The following HEPACAM2 variants were observed in gnomAD, a reference collection of about 807,000 sequenced individuals.
HEPACAM2 encodes the protein HEPACAM family member 2.
HEPACAM2 carries 49 observed loss-of-function variants against 49.6 expected under a neutral mutation model. The ratio of observed to expected loss-of-function variants is 0.99; its 90% CI spans 0.78 to 1.25. HEPACAM2 has a LOEUF of 1.25. Among genes scored for constraint, HEPACAM2 ranks in the 50% most tolerant of loss-of-function variants. The pLI, the probability that HEPACAM2 is intolerant of heterozygous loss-of-function variation, is 0.00. For synonymous variants in HEPACAM2, 197 were observed against 202.9 expected (o/e 0.97, Z 0.25); for missense variants, 525 against 557.2 (o/e 0.94, Z 0.58).
intron 1 of HEPACAM2, among the ~76,000 whole-genome samples, chr7:93,219,807 G>T (rs1028049671): frequency 6.6e-5 from 10 of 152,208 alleles, no homozygotes; most frequent in African/African-American, 2.4e-4. Flanking sequence ...ATTAATGTCT[G>T]TCATATCATA....
rs960504474 is a variant in HEPACAM2 at position 93,211,647 on chromosome 7, C to T, written c.716-2771G>A. 9.9e-5 allele frequency among the ~76,000 whole-genome samples: 15 copies of T among 151,894 alleles called. 1 individual carries two copies. Among genetic ancestry groups the T allele is most frequent in the African/African-American group, 3.6e-4 (15 of 41,376 alleles). The stretch of plus-strand genomic sequence containing the variant: ...GGCTATTATCTCAGGCCCTGTGGTT[C>T]AGAAGGGACCCTTCATGTTGTCAGC... On this transcript the variant is annotated intron_variant, in intron 3 of 9. Transcript: ENST00000394468.
At chr7:93,206,291 T>A (rs560275793) in intron 4 of HEPACAM2, among the ~76,000 whole-genome samples, 1 of 152,150 alleles carries the variant, frequency 6.6e-6, no homozygotes, top group Non-Finnish European at 1.5e-5. Flanking sequence ...CCTATAAAAA[T>A]TAATAAAATG....
chr7:93,208,267 C>A (rs1425378521), intron 4 of HEPACAM2, among the ~76,000 whole-genome samples: 4 of 152,136 alleles, frequency 2.6e-5, no homozygotes, highest in South Asian at 2.1e-4. Flanking sequence ...TCTAAATGAA[C>A]AGCCTGTTTC....
intron 4 of HEPACAM2, among the ~76,000 whole-genome samples, chr7:93,207,244 C>T (rs968030847): frequency 2.6e-5 from 4 of 152,080 alleles, no homozygotes; most frequent in African/African-American, 9.7e-5. Flanking sequence ...AAAGAGAAGG[C>T]ATCAATAGAA....
chr7:93,219,516 T>C (rs1277131873), intron 1 of HEPACAM2, 65 bp from the exon 2 acceptor site: 2 of 1,604,092 alleles, frequency 1.2e-6, no homozygotes, highest in Non-Finnish European at 1.7e-6. Context: ...AAGGGGCAAA[T>C]GCAGAGAGAA....
intron 3 of HEPACAM2, 139 bp downstream of exon 3, chr7:93,215,262 G>A: frequency 1.5e-6 from 1 of 685,742 alleles, no homozygotes; most frequent in Admixed American, 2.8e-5. Flanking sequence ...TGCCTAGGAG[G>A]TGTGATTAGA....
intron 3 of HEPACAM2, among the ~76,000 whole-genome samples, chr7:93,214,355 C>G (rs1794251102): frequency 6.6e-6 from 1 of 152,102 alleles, no homozygotes; most frequent in African/African-American, 2.4e-5. Context: ...ATTAATGAGT[C>G]AAAATCTTTC....
In HEPACAM2 at chr7:93,208,618, T is replaced by G; in HGVS notation, c.974A>C (p.Gln325Pro). Residue 325 changes from glutamine to proline, a missense_variant, in exon 4 of 10, where the codon CAA becomes CCA. Coordinates refer to ENST00000394468, the MANE Select transcript of HEPACAM2 (RefSeq NM_001039372.4). ...GATAACTGTGAAATGAGTTTCATCT[T>G]GCCTGCCGGTTATGTTGTTGTAAGC... ...CCAYNNITGR[Q>P]DETHFTVIIT... 1 of 1,613,042 alleles carries G rather than the reference T, an allele frequency of 6.2e-7. No homozygotes were observed.
intron 3 of HEPACAM2, among the ~76,000 whole-genome samples, chr7:93,212,320 TTCTG>T (rs1444781893): frequency 6.6e-6 from 1 of 152,090 alleles, no homozygotes; most frequent in Non-Finnish European, 1.5e-5. Flanking sequence ...ATTTTTTCTC[TTCTG>T]TCTGTTTTAT....
At position 93,189,318 on chromosome 7, in the gene HEPACAM2, A is replaced by C. The variant is rs754997151; in HGVS notation, c.1386-48T>G. ...ATGTAAACAGTTCTATAGATTTTTC[A>C]GGTCTGCAGGTAAAAGAACTTTAAA... On this transcript the variant is annotated intron_variant, in intron 9 of 9. Transcript: ENST00000394468. The C allele has an allele frequency of 1.3e-5, 19 of 1,423,100 alleles. No homozygotes were observed. In the Admixed American group the frequency reaches 3.4e-4, roughly 26 times the overall value. 88.2% of individuals were successfully genotyped at this position (1,423,100 alleles called of 1,614,324 possible).
At chr7:93,223,869 G>A (rs1283011754) in intron 1 of HEPACAM2, among the ~76,000 whole-genome samples, 3 of 152,068 alleles carry the variant, frequency 2.0e-5, no homozygotes, top group Non-Finnish European at 2.9e-5. Flanking sequence ...TTTGCTTGTA[G>A]TGAAATTTGG....
intron 4 of HEPACAM2, among the ~76,000 whole-genome samples, chr7:93,199,462 C>G (rs1793823635): frequency 6.6e-6 from 1 of 152,038 alleles, no homozygotes; most frequent in African/African-American, 2.4e-5. Flanking sequence ...AGATCTTAGC[C>G]TTTTCTCAGA....
intron 3 of HEPACAM2, among the ~76,000 whole-genome samples, chr7:93,211,782 T>C (rs986941330): frequency 2.6e-5 from 4 of 151,944 alleles, no homozygotes; most frequent in Non-Finnish European, 1.5e-5. Context: ...GCAAGAGACC[T>C]GAGTCTATGT....
In HEPACAM2 at chr7:93,219,314, G is replaced by T. The variant is rs772437645; in HGVS notation, c.217C>A (p.Pro73Thr). ...DIQIIWLFER[P>T]HTMPKYLLGS... is the part of the protein sequence containing the mutation. ...AGTAAGTATTTGGGCATTGTGTGGG[G>T]TCTCTCAAATAGCCATATGATCTGG... Residue 73 changes from proline (P) to threonine (T), a missense_variant, in exon 2 of 10, where the codon CCC becomes ACC. Physicochemically the swap from Pro to Thr is conservative, Grantham distance 38. Transcript: ENST00000394468. 1.9e-6 allele frequency: 3 copies of T among 1,613,972 alleles called. No individual in the cohort carries two copies. The Admixed American group carries it at 5.0e-5, about 27-fold the overall frequency.
intron 9 of HEPACAM2, among the ~76,000 whole-genome samples, chr7:93,191,693 G>A (rs997361370): frequency 6.6e-6 from 1 of 152,066 alleles, no homozygotes; most frequent in Non-Finnish European, 1.5e-5. Flanking sequence ...GGATAAATAG[G>A]TTCCCAGCTT....
At chr7:93,222,043 A>T (rs899375731) in intron 1 of HEPACAM2, among the ~76,000 whole-genome samples, 4 of 152,176 alleles carry the variant, frequency 2.6e-5, no homozygotes, top group African/African-American at 9.7e-5. Flanking sequence ...TCGCAAGGAA[A>T]TAGTAGGAGA....
chr7:93,226,071 T>C, intron 1 of HEPACAM2: 3 of 541,212 alleles, frequency 5.5e-6, no homozygotes, highest in South Asian at 5.9e-5. Flanking sequence ...ATTGAACCTA[T>C]ATGTAAACTC....
intron 1 of HEPACAM2, among the ~76,000 whole-genome samples, chr7:93,222,649 G>T (rs1436762547): frequency 6.6e-6 from 1 of 152,058 alleles, no homozygotes; most frequent in Non-Finnish European, 1.5e-5. Context: ...AATGGTGATT[G>T]GTCAGTTATG....
At chr7:93,199,808 T>C (rs1177430772) in intron 4 of HEPACAM2, among the ~76,000 whole-genome samples, 1 of 152,104 alleles carries the variant, frequency 6.6e-6, no homozygotes, top group Non-Finnish European at 1.5e-5. Flanking sequence ...TCCTCAAGTG[T>C]AGGCAATGTA....
Sources: gnomAD v4.1 joint callset for allele counts (sites outside exome capture counted in the v4.1 genomes callset) on GRCh38, gnomAD v4.1.1 for gene constraint, MANE v1.5 for transcripts, NCBI Gene and HGNC (gene_info 2026-07-23, HGNC 2026-07-21) for gene names.